PIK3CB: variants seen among roughly 807,000 people sequenced by gnomAD.
PIK3CB encodes the protein phosphatidylinositol 4,5-bisphosphate 3-kinase catalytic subunit beta isoform.
Under a neutral mutation model 136.8 loss-of-function variants are expected in PIK3CB, and 39 were observed. That is an observed-to-expected ratio of 0.29 (90% CI 0.22 to 0.37). PIK3CB has a LOEUF of 0.37. PIK3CB is among the 10% of genes least tolerant of loss of function. PIK3CB has a pLI of 1.00. For synonymous variants in PIK3CB, 428 were observed against 436.6 expected (o/e 0.98, Z 0.25); for missense variants, 868 against 1,275.4 (o/e 0.68, Z 4.87).
At chr3:138,683,840 T>G in intron 17 of PIK3CB, 53 bp from the exon 18 acceptor site, 1 of 937,062 alleles carries the variant, frequency 1.1e-6, no homozygotes, top group African/African-American at 1.6e-5. Context: ...TACAGAAGAT[T>G]ATAATTTTAC....
chr3:138,722,890 A>G (rs2044757275), intron 8 of PIK3CB, among the ~76,000 whole-genome samples: 1 of 152,070 alleles, frequency 6.6e-6, no homozygotes, highest in Non-Finnish European at 1.5e-5. Context: ...AATAAGTATC[A>G]TTATTTAACA....
At chr3:138,833,357 G>A (rs1173760145) in intron 1 of PIK3CB, among the ~76,000 whole-genome samples, 2 of 152,038 alleles carry the variant, frequency 1.3e-5, no homozygotes, top group African/African-American at 2.4e-5. Context: ...GTGAGCCAAC[G>A]CACCTGGTCA....
At chr3:138,661,159 C>G (rs1313090966) in intron 21 of PIK3CB, among the ~76,000 whole-genome samples, 3 of 152,140 alleles carry the variant, frequency 2.0e-5, no homozygotes, top group Non-Finnish European at 2.9e-5. Context: ...AATATGGGAC[C>G]CTTTCTTGTA....
At chr3:138,745,489 C>A (rs972736254) in intron 4 of PIK3CB, among the ~76,000 whole-genome samples, 4 of 152,004 alleles carry the variant, frequency 2.6e-5, no homozygotes, top group African/African-American at 9.7e-5. Context: ...AAAAATTAGC[C>A]AGACATGGTG....
chr3:138,748,946 C>T (rs529343951), intron 4 of PIK3CB, among the ~76,000 whole-genome samples: 1 of 152,172 alleles, frequency 6.6e-6, no homozygotes, highest in Admixed American at 6.5e-5. Context: ...GCACTGAAAA[C>T]AATAGTTGTT....
chr3:138,747,456 T>C (rs2045383761), intron 4 of PIK3CB, among the ~76,000 whole-genome samples: 1 of 152,084 alleles, frequency 6.6e-6, no homozygotes, highest in Non-Finnish European at 1.5e-5. Context: ...TCACAACACT[T>C]AACCTCACCA....
intron 16 of PIK3CB, among the ~76,000 whole-genome samples, chr3:138,688,066 T>G (rs1663554): frequency 0.51 from 77,299 of 151,996 alleles, 22,235 homozygotes; most frequent in East Asian, 0.98. Flanking sequence ...TTTTCAAAAG[T>G]AAGGGATCAG....
chr3:138,693,045 G>A (rs771089808), intron 14 of PIK3CB, among the ~76,000 whole-genome samples: 11 of 152,134 alleles, frequency 7.2e-5, no homozygotes, highest in Non-Finnish European at 1.6e-4. Flanking sequence ...TAAACATAAT[G>A]GGAGAGACTA....
chr3:138,705,186 CAAACAAAA>C (rs2044348981), intron 11 of PIK3CB, among the ~76,000 whole-genome samples: 1 of 55,078 alleles, frequency 1.8e-5, no homozygotes, highest in African/African-American at 9.2e-5. Context: ...AAAAACAAAA[CAAACAAAA>C]AAAAAAACTT....
intron 1 of PIK3CB, among the ~76,000 whole-genome samples, chr3:138,797,638 G>T (rs1233013521): frequency 6.6e-6 from 1 of 152,144 alleles, no homozygotes; most frequent in Non-Finnish European, 1.5e-5. Context: ...AAGAAAATTG[G>T]TGAACTCAAA....
At position 138,682,017 on chromosome 3, in the gene PIK3CB, T is replaced by G. The variant is rs145339552; in HGVS notation, c.2454A>C (p.Gln818His). 1.2e-6 allele frequency: 2 copies of G among 1,612,362 alleles called. No homozygotes were observed. The highest frequency in any genetic ancestry group is 8.5e-7 in the Non-Finnish European group (1 of 1,179,284). Residue 818 changes from glutamine to histidine, a missense_variant, in exon 19 of 24, where the codon CAA (glutamine) becomes CAC (histidine). Physicochemically the swap from Gln to His is conservative, Grantham distance 24. Coordinates refer to ENST00000674063, the MANE Select transcript of PIK3CB (RefSeq NM_006219.3). ...AGAGTAAATCCATCAAGCGCAACAT[T>G]TGGAGTGTCAACATATCCTGTCGTA... ...DDLRQDMLTLQMLRLMDLLWK... is the reference protein window; with the variant it reads ...DDLRQDMLTLHMLRLMDLLWK...
intron 14 of PIK3CB, among the ~76,000 whole-genome samples, chr3:138,693,966 T>TAA (rs1457395869): frequency 2.4e-5 from 1 of 42,406 alleles, no homozygotes; most frequent in Non-Finnish European, 3.6e-5. Context: ...TATATATATA[T>TAA]TATATATATA....
intron 2 of PIK3CB, among the ~76,000 whole-genome samples, chr3:138,783,127 T>C (rs1345120461): frequency 6.6e-6 from 1 of 152,206 alleles, no homozygotes; most frequent in Non-Finnish European, 1.5e-5. Context: ...TGTTCATTAC[T>C]CTGCACAATG....
At chr3:138,663,004 G>A (rs1378298070) in intron 21 of PIK3CB, among the ~76,000 whole-genome samples, 1 of 152,108 alleles carries the variant, frequency 6.6e-6, no homozygotes, top group Admixed American at 6.5e-5. Flanking sequence ...CATGGGCAAG[G>A]ACTTCATGTC....
chr3:138,762,939 A>AG (rs1405065002), intron 2 of PIK3CB, among the ~76,000 whole-genome samples: 1 of 151,988 alleles, frequency 6.6e-6, no homozygotes, highest in Admixed American at 6.6e-5. Context: ...CAGCCTGGGC[A>AG]ACAGAGTGAG....
rs377329036 is a variant in PIK3CB, at chr3:138,803,103, A to C, written c.-121-6536T>G. Among the ~76,000 whole-genome samples, 61 of 152,220 alleles carry C rather than the reference A, an allele frequency of 4.0e-4. 2 individuals are homozygous for C. Among genetic ancestry groups the C allele is most frequent in the East Asian group, 2.7e-3 (14 of 5,202 alleles). ...CAGAAAGTTCAGACCTGAGGGAACA[A>C]GGAAAGCAGATTCTAAAGGGCATCT... On this transcript the variant is annotated intron_variant, in intron 1 of 23. Transcript: ENST00000674063.
chr3:138,708,211 C>T (rs9812279), intron 10 of PIK3CB, among the ~76,000 whole-genome samples: 2,853 of 150,838 alleles, frequency 0.019, 38 homozygotes, highest in Non-Finnish European at 0.03. Context: ...CTTAATTCTT[C>T]GTTCATCTTT....
chr3:138,788,552 G>A (rs1474582366), intron 2 of PIK3CB, among the ~76,000 whole-genome samples: 1 of 148,400 alleles, frequency 6.7e-6, no homozygotes, highest in Non-Finnish European at 1.5e-5. Context: ...AGCTACTTGG[G>A]AAGCTGAGGC....
At chr3:138,767,941 AG>A (rs1329305899) in intron 2 of PIK3CB, among the ~76,000 whole-genome samples, 1 of 152,202 alleles carries the variant, frequency 6.6e-6, no homozygotes, top group Non-Finnish European at 1.5e-5. Context: ...CGATGAACAA[AG>A]GTCATGTTTC....
Sources: allele counts gnomAD v4.1 joint callset (sites outside exome capture counted in the v4.1 genomes callset), GRCh38; gene constraint gnomAD v4.1.1; transcripts MANE v1.5; gene names NCBI Gene and HGNC (gene_info 2026-07-23, HGNC 2026-07-21).